The following PPP2R5D variants were observed in gnomAD, a reference collection of about 807,000 sequenced individuals.
PPP2R5D encodes protein phosphatase 2 regulatory subunit B'delta, also known as serine/threonine-protein phosphatase 2A 56 kDa regulatory subunit delta isoform.
PPP2R5D carries 12 observed loss-of-function variants against 79.1 expected under a neutral mutation model. The observed-to-expected ratio is 0.15, with a 90% CI of 0.10 to 0.25. PPP2R5D has a LOEUF of 0.25. Ranked by LOEUF, PPP2R5D falls within the 10% of genes least tolerant of loss-of-function variation. The probability of loss-of-function intolerance (pLI) is 1.00; values close to 1 mark genes in which losing one functional copy is unlikely to be tolerated. For missense variants in PPP2R5D, 419 were observed against 760.2 expected, an observed-to-expected ratio of 0.55 and a Z score of 5.28; for synonymous variants, 277 against 286.6, an observed-to-expected ratio of 0.97 and a Z score of 0.34.
chr6:42,991,502 C>T (rs138525739), intron 2 of PPP2R5D, among the ~76,000 whole-genome samples: 7 of 152,208 alleles, frequency 4.6e-5, no homozygotes, highest in African/African-American at 7.2e-5. Context: ...TACCTGGTAG[C>T]GCTGGTAGCA....
chr6:42,990,191 G>C (rs1287067160), intron 2 of PPP2R5D, among the ~76,000 whole-genome samples: 2 of 152,192 alleles, frequency 1.3e-5, no homozygotes, highest in Non-Finnish European at 2.9e-5. Flanking sequence ...AGCAATCTCG[G>C]GTTATAAAGC....
chr6:43,011,635 C>A lies in PPP2R5D; in HGVS notation c.*349C>A. On this transcript the variant is annotated 3_prime_UTR_variant, in exon 16 of 16. Coordinates refer to ENST00000485511, the MANE Select transcript of PPP2R5D (RefSeq NM_006245.4). Reference sequence around the variant, plus strand: ...TACGCTCCTCTATTCTTCCCTTCATCCTCATTTGAACGCCAGGTATCTCCC... The same window carrying A: ...TACGCTCCTCTATTCTTCCCTTCATACTCATTTGAACGCCAGGTATCTCCC... 1 of 279,822 alleles carries A rather than the reference C, an allele frequency of 3.6e-6. No individual in the cohort carries two copies. The highest frequency in any genetic ancestry group is 6.9e-6 in the Non-Finnish European group (1 of 145,888). The allele number at this position is 279,822 out of a possible 1,614,324, so 17.3% of individuals were successfully genotyped here.
At chr6:42,987,382 AG>A (rs945658470) in intron 1 of PPP2R5D, among the ~76,000 whole-genome samples, 3 of 152,062 alleles carry the variant, frequency 2.0e-5, no homozygotes, top group African/African-American at 7.2e-5. Flanking sequence ...TTTCCTGAGT[AG>A]GGTGCCCCTG....
intron 2 of PPP2R5D, among the ~76,000 whole-genome samples, chr6:42,996,066 G>T (rs1771657735): frequency 7.2e-6 from 1 of 139,546 alleles, no homozygotes; most frequent in Admixed American, 7.4e-5. Flanking sequence ...GGATGGTCTC[G>T]ATCACTTGAC....
At position 43,006,789 on chromosome 6, in the gene PPP2R5D, C is replaced by T. The variant is rs973769113; in HGVS notation, c.322+110C>T. The T allele has an allele frequency of 3.2e-6, 5 of 1,567,858 alleles. No homozygotes were observed. Among genetic ancestry groups the T allele is most frequent in the Admixed American group, 1.7e-5 (1 of 58,458 alleles). On this transcript the variant is annotated intron_variant, in intron 3 of 15. Coordinates refer to ENST00000485511, the MANE Select transcript of PPP2R5D (RefSeq NM_006245.4). The surrounding 1 kb of genome is among the most constrained non-coding windows in gnomAD (Gnocchi z 4.7). ...GCGGGGAAGGGAGTTCCAGAGAATG[C>T]GGGAAGGGGGTGCCAGGGAGCAGGA...
rs959264532 is a variant in PPP2R5D, at chr6:43,009,595, T to C, written c.1379+146T>C. 5.1e-6 allele frequency: 6 copies of C among 1,184,068 alleles called. No homozygotes were observed. The African/African-American group carries it at 9.2e-5, about 18-fold the overall frequency. The allele number at this position is 1,184,068 out of a possible 1,614,324, so 73.3% of individuals were successfully genotyped here. A position where few individuals can be genotyped will look rare whatever the true frequency, so the allele number is the denominator to read the frequency against. On this transcript the variant is annotated intron_variant, in intron 12 of 15. Transcript: ENST00000485511. This position sits in a 1 kb window ranked among gnomAD's most constrained non-coding sequence, Gnocchi z 5.6. ...GCATGTTGATAGGACCTTGAGGGGC[T>C]GACTGGAGCGAAAAGATGCCTGTGT...
At chr6:42,999,882 C>T (rs1422818668) in intron 2 of PPP2R5D, among the ~76,000 whole-genome samples, 1 of 151,860 alleles carries the variant, frequency 6.6e-6, no homozygotes, top group Non-Finnish European at 1.5e-5. Flanking sequence ...ATAAGACCCC[C>T]TGTTCTCTCT....
At chr6:42,988,258 C>G (rs142199583) in intron 1 of PPP2R5D, among the ~76,000 whole-genome samples, 18 of 152,318 alleles carry the variant, frequency 1.2e-4, no homozygotes, top group African/African-American at 4.1e-4. Context: ...AATCTCAGAG[C>G]TGGAAGTGAT....
intron 2 of PPP2R5D, among the ~76,000 whole-genome samples, chr6:42,993,198 G>A (rs996024777): frequency 1.3e-5 from 2 of 152,218 alleles, no homozygotes; most frequent in African/African-American, 2.4e-5. Flanking sequence ...TAGGGAGGCT[G>A]AGGCAGGAGA....
Position 43,006,401 on chromosome 6 carries a change from C to G in PPP2R5D, c.106-62C>G. The G allele has an allele frequency of 1.3e-6, 2 of 1,569,440 alleles. No homozygotes were observed. The highest frequency in any genetic ancestry group is 2.4e-5 in the South Asian group (2 of 84,572). On this transcript the variant is annotated intron_variant, in intron 2 of 15. Transcript: ENST00000485511. This position sits in a 1 kb window ranked among gnomAD's most constrained non-coding sequence, Gnocchi z 4.7. The stretch of plus-strand genomic sequence containing the variant: ...AGGCATAAACAGACTTGGGGATGGC[C>G]AGGCCCAGGGTGGGAGGCATATCTT...
At chr6:42,989,188 G>C (rs929007177) in intron 1 of PPP2R5D, among the ~76,000 whole-genome samples, 1 of 152,278 alleles carries the variant, frequency 6.6e-6, no homozygotes, top group African/African-American at 2.4e-5. Context: ...TGAGGGGAGA[G>C]TGGTGACTCC....
Position 43,008,769 on chromosome 6 carries a change from A to G in PPP2R5D, c.1080+23A>G, listed in dbSNP as rs1347591979. On this transcript the variant is annotated intron_variant, in intron 10 of 15. Transcript: ENST00000485511. This position sits in a 1 kb window ranked among gnomAD's most constrained non-coding sequence, Gnocchi z 4.2. The stretch of plus-strand genomic sequence containing the variant: ...CCGGTAATTCCCCTTCCGGGCCCCA[A>G]GGCCCACCTCTTACTGTCAGCATCA... 1.9e-6 allele frequency: 3 copies of G among 1,607,402 alleles called. No homozygotes were observed. The highest frequency in any genetic ancestry group is 2.6e-6 in the Non-Finnish European group (3 of 1,174,466).
In PPP2R5D at chr6:43,010,626, C is replaced by T. The variant is rs749249864; in HGVS notation, c.1482-38C>T. On this transcript the variant is annotated intron_variant, in intron 13 of 15. Transcript: ENST00000485511. This position sits in a 1 kb window ranked among gnomAD's most constrained non-coding sequence, Gnocchi z 4.7. ...CTTCTACCACCAGCTCACTGTGTTTCTCTCAAGCCCAACCCCAATCCTACT... is the reference window on the plus strand; with the variant it reads ...CTTCTACCACCAGCTCACTGTGTTTTTCTCAAGCCCAACCCCAATCCTACT... The T allele has an allele frequency of 6.2e-7, 1 of 1,613,536 alleles. No individual in the cohort carries two copies. The highest frequency in any genetic ancestry group is 1.7e-5 in the Admixed American group (1 of 60,016).
At chr6:42,989,737 A>G (rs758361658) in intron 2 of PPP2R5D, 49 bp downstream of exon 2, 6 of 1,526,814 alleles carry the variant, frequency 3.9e-6, no homozygotes, top group African/African-American at 1.4e-5. Context: ...GCCACCCGCA[A>G]CTCCATGATG....
Position 42,984,623 on chromosome 6 carries a change from A to AAAGCCG in PPP2R5D, c.-54_-49dup, listed in dbSNP as rs1300084646. ...CCGAGCGGGCCGAGTGCGGCCGAGC[A>AAAGCCG]AAGCCGGAGCCGGAGCGGGGCCGCA... On this transcript the variant is annotated 5_prime_UTR_variant, in exon 1 of 16. Coordinates refer to ENST00000485511, the MANE Select transcript of PPP2R5D (RefSeq NM_006245.4). 4.5e-6 allele frequency: 7 copies of AAAGCCG among 1,562,596 alleles called. No homozygotes were observed. The highest frequency in any genetic ancestry group is 1.9e-5 in the Admixed American group (1 of 51,502).
intron 2 of PPP2R5D, among the ~76,000 whole-genome samples, chr6:42,992,118 G>A (rs941319709): frequency 6.6e-6 from 1 of 152,064 alleles, no homozygotes; most frequent in Non-Finnish European, 1.5e-5. Context: ...GGAGTGCAGT[G>A]GCGCGATCTT....
rs1446829902 is a variant in PPP2R5D at position 42,984,633 on chromosome 6, C to G, written c.-45C>G. ...CGAGTGCGGCCGAGCAAAGCCGGAG[C>G]CGGAGCGGGGCCGCAGGAGACGGGC... On this transcript the variant is annotated 5_prime_UTR_variant, in exon 1 of 16. Coordinates refer to ENST00000485511, the MANE Select transcript of PPP2R5D (RefSeq NM_006245.4). 1.1e-5 allele frequency: 17 copies of G among 1,572,234 alleles called. No homozygotes were observed. The highest frequency in any genetic ancestry group is 1.5e-5 in the Non-Finnish European group (17 of 1,160,908).
chr6:42,998,907 C>T (rs747622658), intron 2 of PPP2R5D, among the ~76,000 whole-genome samples: 2 of 152,114 alleles, frequency 1.3e-5, no homozygotes, highest in African/African-American at 2.4e-5. Flanking sequence ...TAGTGGTGCA[C>T]GCCTGTAATC....
rs1243285989 is a variant in PPP2R5D, at chr6:43,010,785, AGCTGGGGGAGAGTTT to A, written c.1554+51_1554+65del. Reference sequence around the variant, plus strand: ...TGAACTGAGGGGCCAGCCCATCTTGAGCTGGGGGAGAGTTTGTTGGGGGAGGAATATGGGGCACAC... The same window carrying A: ...TGAACTGAGGGGCCAGCCCATCTTGAGTTGGGGGAGGAATATGGGGCACAC... On this transcript the variant is annotated intron_variant, in intron 14 of 15. Transcript: ENST00000485511. This position sits in a 1 kb window ranked among gnomAD's most constrained non-coding sequence, Gnocchi z 4.7. 6.2e-7 allele frequency: 1 copy of A among 1,607,652 alleles called. No homozygotes were observed. The highest frequency in any genetic ancestry group is 2.2e-5 in the East Asian group (1 of 44,806).
Sources: gnomAD v4.1 joint callset for allele counts (sites outside exome capture counted in the v4.1 genomes callset) on GRCh38, gnomAD v4.1.1 for gene constraint, Gnocchi (gnomAD v3.1) non-coding constraint, MANE v1.5 for transcripts, NCBI Gene and HGNC (gene_info 2026-07-23, HGNC 2026-07-21) for gene names.